Variants in C1GALT1 observed in about 807,000 individuals in gnomAD.
C1GALT1 encodes the protein glycoprotein-N-acetylgalactosamine 3-beta-galactosyltransferase 1.
Under a neutral mutation model 31.0 loss-of-function variants are expected in C1GALT1, and 11 were observed. That is an observed-to-expected ratio of 0.36 (90% CI 0.22 to 0.59). The LOEUF is 0.59. Among genes scored for constraint, C1GALT1 ranks in the 20% least tolerant of loss-of-function variants. The pLI is 0.79. For synonymous variants in C1GALT1, 175 were observed against 143.6 expected, an observed-to-expected ratio of 1.22 and a Z score of -1.56; for missense variants, 424 against 425.2, an observed-to-expected ratio of 1.00 and a Z score of 0.03.
intron 1 of C1GALT1, among the ~76,000 whole-genome samples, chr7:7,218,038 T>G (rs1023253877): frequency 6.6e-6 from 1 of 152,020 alleles, no homozygotes; most frequent in Non-Finnish European, 1.5e-5. Context: ...ATAGTAAAGG[T>G]GTAAATGAAG....
chr7:7,201,045 G>A (rs1217684430), intron 1 of C1GALT1, among the ~76,000 whole-genome samples: 3 of 152,206 alleles, frequency 2.0e-5, no homozygotes, highest in Non-Finnish European at 2.9e-5. Flanking sequence ...TGTTGCTGGC[G>A]AGGAGCTGCG....
chr7:7,163,963 C>G (rs1008201728), intron 2 of C1GALT1, among the ~76,000 whole-genome samples: 3 of 152,016 alleles, frequency 2.0e-5, no homozygotes, highest in Non-Finnish European at 4.4e-5. Context: ...TTGGAAAAAA[C>G]TACTTTAAAG....
intron 2 of C1GALT1, among the ~76,000 whole-genome samples, chr7:7,166,262 C>A (rs184088374): frequency 8.9e-4 from 136 of 152,194 alleles, no homozygotes; most frequent in Non-Finnish European, 1.6e-3. Flanking sequence ...AAATGTCCTT[C>A]AGTATTTGAA....
rs2128254614 is a variant in C1GALT1, at chr7:7,244,911, G to A, written c.*1184G>A. 1 of 152,272 alleles carries A rather than the reference G, an allele frequency of 6.6e-6. No individual in the cohort carries two copies. Among genetic ancestry groups the A allele is most frequent in the East Asian group, 1.9e-4 (1 of 5,184 alleles). 9.4% of individuals were successfully genotyped at this position (152,272 alleles called of 1,614,324 possible). ...TTAATTTATAAATAACAGTCTGAAG[G>A]TTGGTGCTATTTTGGGATAATTGTT... On this transcript the variant is annotated 3_prime_UTR_variant, in exon 4 of 4. Transcript: ENST00000436587.
chr7:7,233,362 C>G (rs1274484570), intron 1 of C1GALT1, among the ~76,000 whole-genome samples: 1 of 152,070 alleles, frequency 6.6e-6, no homozygotes, highest in Non-Finnish European at 1.5e-5. Context: ...CTTCTGAGTT[C>G]AAGTGATTCT....
At chr7:7,226,375 A>AAAAT (rs1782759531) in intron 1 of C1GALT1, among the ~76,000 whole-genome samples, 1 of 110,630 alleles carries the variant, frequency 9.0e-6, no homozygotes, top group Non-Finnish European at 1.8e-5. Flanking sequence ...TTTAAAAAAA[A>AAAAT]AAATAACTAG....
At chr7:7,219,297 A>G (rs1782399783) in intron 1 of C1GALT1, among the ~76,000 whole-genome samples, 1 of 152,366 alleles carries the variant, frequency 6.6e-6, no homozygotes, top group East Asian at 1.9e-4. Context: ...GTCCAAACCC[A>G]TAGAATGTAC....
intron 2 of C1GALT1, among the ~76,000 whole-genome samples, chr7:7,237,299 C>T (rs1468549490): frequency 6.6e-6 from 1 of 152,192 alleles, no homozygotes; most frequent in African/African-American, 2.4e-5. Context: ...ACTCAAAATG[C>T]GGTCCTGGCC....
intron 2 of C1GALT1, among the ~76,000 whole-genome samples, chr7:7,161,910 G>A (rs1400360028): frequency 6.6e-6 from 1 of 151,888 alleles, no homozygotes; most frequent in Non-Finnish European, 1.5e-5. Flanking sequence ...TCAGAAAGAG[G>A]GCTGACTTAC....
At chr7:7,222,518 A>C (rs753235917) in intron 1 of C1GALT1, among the ~76,000 whole-genome samples, 13 of 152,196 alleles carry the variant, frequency 8.5e-5, no homozygotes, top group Admixed American at 4.6e-4. Flanking sequence ...TATGTTTAAT[A>C]GCTATTATAC....
intron 3 of C1GALT1, among the ~76,000 whole-genome samples, chr7:7,239,744 T>TTTATCAAATATTTATCCC (rs1313718267): frequency 1.8e-5 from 2 of 109,046 alleles, no homozygotes. Flanking sequence ...ACTTATCCCC[T>TTTATCAAATATTTATCCC]GTCTTTACCA....
chr7:7,183,528 T>G, intron 1 of C1GALT1: 1 of 975,922 alleles, frequency 1.0e-6, no homozygotes, highest in Non-Finnish European at 1.2e-6. Flanking sequence ...CTGCACCCCA[T>G]TTTTCCCCAA....
chr7:7,211,768 C>T (rs1367540755), intron 1 of C1GALT1, among the ~76,000 whole-genome samples: 2 of 152,178 alleles, frequency 1.3e-5, no homozygotes, highest in East Asian at 1.9e-4. Flanking sequence ...GATAATTTCC[C>T]ACAATTAGTA....
At chr7:7,199,591 C>G (rs950871567) in intron 1 of C1GALT1, among the ~76,000 whole-genome samples, 2 of 144,140 alleles carry the variant, frequency 1.4e-5, no homozygotes, top group Non-Finnish European at 3.0e-5. Flanking sequence ...CCTGGATATC[C>G]TTGTTACAAC....
Position 7,160,450 on chromosome 7 carries a change from T to C in C1GALT1, c.-18+3024T>C, listed in dbSNP as rs181718565. Among the ~76,000 whole-genome samples the C allele has an allele frequency of 9.9e-5, 15 of 152,234 alleles. No homozygotes were observed. The East Asian group carries it at 2.9e-3, about 29-fold the overall frequency. The stretch of plus-strand genomic sequence containing the variant: ...GTGTTCTAATACATATATTAAGCAG[T>C]TGATGTAGAACAGGCGGGAAGACAA... On this transcript the variant is annotated intron_variant, in intron 2 of 3. Coordinates refer to the C1GALT1 transcript ENST00000429911.
intron 1 of C1GALT1, among the ~76,000 whole-genome samples, chr7:7,221,412 T>G (rs1399021526): frequency 2.0e-5 from 3 of 152,214 alleles, no homozygotes; most frequent in Non-Finnish European, 4.4e-5. Context: ...TTAATGGTGG[T>G]ATGTTGTTTG....
chr7:7,213,477 T>C (rs971432202), intron 1 of C1GALT1, among the ~76,000 whole-genome samples: 1 of 152,234 alleles, frequency 6.6e-6, no homozygotes, highest in East Asian at 1.9e-4. Context: ...TTTGGCAATC[T>C]TATGTGACTA....
chr7:7,175,863 G>A (rs1780501421), intron 2 of C1GALT1, among the ~76,000 whole-genome samples: 1 of 151,930 alleles, frequency 6.6e-6, no homozygotes, highest in Admixed American at 6.6e-5. Flanking sequence ...TACATAATGG[G>A]GAGAGAGAAC....
intron 1 of C1GALT1, among the ~76,000 whole-genome samples, chr7:7,210,827 A>G (rs926708804): frequency 2.0e-5 from 3 of 152,230 alleles, no homozygotes; most frequent in Admixed American, 1.3e-4. Context: ...AAATTTGCAT[A>G]TGAAAGGTTG....
Sources: allele counts gnomAD v4.1 joint callset (sites outside exome capture counted in the v4.1 genomes callset), GRCh38; gene constraint gnomAD v4.1.1; transcripts MANE v1.5; gene names NCBI Gene and HGNC (gene_info 2026-07-23, HGNC 2026-07-21).